CNTNAP2: variants seen among roughly 807,000 people sequenced by gnomAD.
CNTNAP2 encodes contactin-associated protein-like 2.
CNTNAP2 carries 98 observed loss-of-function variants against 155.2 expected under a neutral mutation model. That is an observed-to-expected ratio of 0.63 (90% confidence interval 0.54 to 0.75). CNTNAP2 has a LOEUF of 0.75. CNTNAP2 is among the 30% of genes least tolerant of loss of function. CNTNAP2 has a pLI of 0.00. For synonymous variants in CNTNAP2, 651 were observed against 631.2 expected (o/e 1.03, Z -0.47); for missense variants, 1,727 against 1,688.1 (o/e 1.02, Z -0.40).
chr7:147,183,244 A>G (rs547409972), intron 8 of CNTNAP2, among the ~76,000 whole-genome samples: 118 of 152,322 alleles, frequency 7.7e-4, no homozygotes, highest in African/African-American at 2.6e-3. Flanking sequence ...TCAAAATTGT[A>G]TCTCAGATAC....
intron 1 of CNTNAP2, among the ~76,000 whole-genome samples, chr7:146,668,914 T>C (rs1277346064): frequency 6.6e-6 from 1 of 152,162 alleles, no homozygotes; most frequent in Non-Finnish European, 1.5e-5. Context: ...TTAGCCCATA[T>C]TGTATGATTT....
intron 1 of CNTNAP2, among the ~76,000 whole-genome samples, chr7:146,647,886 AT>A (rs1799842233): frequency 6.6e-6 from 1 of 152,202 alleles, no homozygotes; most frequent in African/African-American, 2.4e-5. Context: ...CATGTTTTAT[AT>A]TTACATGCCA....
At chr7:147,857,202 G>A (rs1271250050) in intron 13 of CNTNAP2, among the ~76,000 whole-genome samples, 1 of 152,108 alleles carries the variant, frequency 6.6e-6, no homozygotes, top group Admixed American at 6.5e-5. Flanking sequence ...GGTTAATCAG[G>A]ATGTTTCCTG....
chr7:146,560,993 C>G (rs1375549448), intron 1 of CNTNAP2, among the ~76,000 whole-genome samples: 1 of 152,118 alleles, frequency 6.6e-6, no homozygotes, highest in Non-Finnish European at 1.5e-5. Context: ...TTCAGTGAAA[C>G]CTTCCTTAAG....
intron 21 of CNTNAP2, among the ~76,000 whole-genome samples, chr7:148,283,337 CTTATTA>C (rs1239229261): frequency 7.1e-6 from 1 of 141,070 alleles, no homozygotes. Context: ...AGAAAGAATT[CTTATTA>C]TTATAACATT....
chr7:148,147,652 C>T lies in CNTNAP2; in HGVS notation c.2716C>T (p.Arg906Cys), dbSNP rs141617212. 6.0e-5 allele frequency: 97 copies of T among 1,613,950 alleles called. No homozygotes were observed. Among genetic ancestry groups the T allele is most frequent in the East Asian group, 1.8e-4 (8 of 44,886 alleles). ...LQVDRLPQQI[R>C]KAPTEGHTRL... The stretch of plus-strand genomic sequence containing the variant: ...GGTGGACCGGCTACCGCAGCAGATC[C>T]GCAAGGCCCCAACAGAAGGCCACAC... Residue 906 changes from arginine (R) to cysteine (C), a missense_variant, in exon 17 of 24, where the codon CGC becomes TGC. Coordinates refer to ENST00000361727, the MANE Select transcript of CNTNAP2 (RefSeq NM_014141.6).
intron 1 of CNTNAP2, among the ~76,000 whole-genome samples, chr7:146,120,218 G>T (rs917454809): frequency 2.0e-5 from 3 of 151,866 alleles, no homozygotes; most frequent in African/African-American, 4.8e-5. Context: ...AAATACTGCT[G>T]GTTTATAGAG....
intron 1 of CNTNAP2, among the ~76,000 whole-genome samples, chr7:146,649,074 C>T (rs1799863040): frequency 6.6e-6 from 1 of 152,042 alleles, no homozygotes; most frequent in Non-Finnish European, 1.5e-5. Context: ...AAGTGGATTT[C>T]TTAAGGAAAC....
intron 3 of CNTNAP2, among the ~76,000 whole-genome samples, chr7:146,906,021 C>T (rs372582943): frequency 0.046 from 6,972 of 152,288 alleles, 179 homozygotes; most frequent in Middle Eastern, 0.085. Context: ...GTTCCCTTTC[C>T]GAGTCAAAGA....
intron 1 of CNTNAP2, among the ~76,000 whole-genome samples, chr7:146,531,169 T>C (rs1055939556): frequency 1.3e-5 from 2 of 152,042 alleles, no homozygotes; most frequent in Non-Finnish European, 1.5e-5. Context: ...AGCTAAACAT[T>C]GAGTACATAT....
intron 2 of CNTNAP2, among the ~76,000 whole-genome samples, chr7:146,783,810 T>C (rs537418615): frequency 6.6e-6 from 1 of 152,318 alleles, no homozygotes; most frequent in East Asian, 1.9e-4. Flanking sequence ...ACTGGACAGA[T>C]CTTGTGCTCT....
intron 1 of CNTNAP2, among the ~76,000 whole-genome samples, chr7:146,233,510 A>G (rs7798638): frequency 0.19 from 29,198 of 151,830 alleles, 3,096 homozygotes; most frequent in East Asian, 0.3. Flanking sequence ...ACATGTGCAC[A>G]ATGTGCACGT....
At chr7:146,879,660 G>A (rs1795499698) in intron 3 of CNTNAP2, among the ~76,000 whole-genome samples, 1 of 152,146 alleles carries the variant, frequency 6.6e-6, no homozygotes, top group Admixed American at 6.6e-5. Flanking sequence ...CCAGAACCTG[G>A]CAGGGACTGT....
intron 13 of CNTNAP2, among the ~76,000 whole-genome samples, chr7:147,801,333 T>TTTA (rs1797981160): frequency 9.3e-5 from 13 of 140,044 alleles, no homozygotes; most frequent in African/African-American, 3.4e-4. Context: ...TTTAATTTTT[T>TTTA]TTTTTTTTTA....
chr7:148,356,909 A>AAAC (rs1372059912), intron 21 of CNTNAP2, among the ~76,000 whole-genome samples: 1 of 140,574 alleles, frequency 7.1e-6, no homozygotes, highest in African/African-American at 2.8e-5. Flanking sequence ...ACAAAAAAAC[A>AAAC]AAAAAAAAAA....
intron 3 of CNTNAP2, among the ~76,000 whole-genome samples, chr7:146,907,039 A>G (rs1796147681): frequency 6.6e-6 from 1 of 151,060 alleles, no homozygotes; most frequent in Non-Finnish European, 1.5e-5. Context: ...ATCAACCGGA[A>G]GAAAGGGTAT....
chr7:147,662,303 T>C (rs187242202), intron 13 of CNTNAP2, among the ~76,000 whole-genome samples: 1 of 152,342 alleles, frequency 6.6e-6, no homozygotes, highest in Admixed American at 6.5e-5. Flanking sequence ...TGTCCCAATG[T>C]ATTCAGGAAT....
chr7:146,372,584 A>C (rs191553137), intron 1 of CNTNAP2, among the ~76,000 whole-genome samples: 1 of 152,160 alleles, frequency 6.6e-6, no homozygotes, highest in Non-Finnish European at 1.5e-5. Context: ...TGTTATTTTC[A>C]TGTTCCCAAA....
chr7:146,863,752 A>T (rs781298046), intron 3 of CNTNAP2, among the ~76,000 whole-genome samples: 9 of 152,134 alleles, frequency 5.9e-5, no homozygotes, highest in Non-Finnish European at 8.8e-5. Flanking sequence ...AGGCTATTTA[A>T]GATTTCTAAA....
Sources: allele counts gnomAD v4.1 joint callset (sites outside exome capture counted in the v4.1 genomes callset), GRCh38; gene constraint gnomAD v4.1.1; transcripts MANE v1.5; gene names NCBI Gene and HGNC (gene_info 2026-07-23, HGNC 2026-07-21).